Variants in DPP10 observed in about 807,000 individuals in gnomAD.
DPP10 encodes the protein inactive dipeptidyl peptidase 10.
Under a neutral mutation model 120.9 loss-of-function variants are expected in DPP10, and 33 were observed. The ratio of observed to expected loss-of-function variants is 0.27; its 90% CI spans 0.21 to 0.37. The LOEUF is 0.37. Among genes scored for constraint, DPP10 ranks in the 10% least tolerant of loss-of-function variants. The pLI is 1.00. For missense variants in DPP10, 816 were observed against 942.8 expected, an observed-to-expected ratio of 0.87 and a Z score of 1.76; for synonymous variants, 337 against 326.1, an observed-to-expected ratio of 1.03 and a Z score of -0.36.
chr2:115,823,021 A>T (rs536030729), intron 21 of DPP10, among the ~76,000 whole-genome samples: 46 of 152,176 alleles, frequency 3.0e-4, no homozygotes, highest in African/African-American at 9.4e-4. Context: ...ATTTTTAAAA[A>T]TATATTTAGC....
intron 7 of DPP10, among the ~76,000 whole-genome samples, chr2:115,695,741 TTGTC>T (rs2091549998): frequency 6.6e-6 from 1 of 152,028 alleles, no homozygotes; most frequent in South Asian, 2.1e-4. Context: ...TAGATTCAAA[TTGTC>T]TGGTTTTCAA....
At chr2:115,023,374 G>A (rs566295569) in intron 1 of DPP10, among the ~76,000 whole-genome samples, 4 of 152,052 alleles carry the variant, frequency 2.6e-5, no homozygotes, top group East Asian at 1.9e-4. Flanking sequence ...ACAAATGGCC[G>A]ACAAGCATAT....
At chr2:114,486,302 A>G (rs964442093) in intron 1 of DPP10, among the ~76,000 whole-genome samples, 1 of 152,180 alleles carries the variant, frequency 6.6e-6, no homozygotes, top group African/African-American at 2.4e-5. Context: ...CTTGTTGAAA[A>G]AAAAATTACA....
At chr2:114,452,901 C>T (rs917122377) in intron 1 of DPP10, among the ~76,000 whole-genome samples, 2 of 152,118 alleles carry the variant, frequency 1.3e-5, no homozygotes, top group Non-Finnish European at 2.9e-5. Flanking sequence ...GACATGACAA[C>T]TGACAATGTC....
intron 1 of DPP10, among the ~76,000 whole-genome samples, chr2:114,783,604 A>G (rs763845460): frequency 1.5e-4 from 23 of 152,140 alleles, no homozygotes; most frequent in Non-Finnish European, 3.1e-4. Context: ...TGACAGGCCA[A>G]GAAGGGCAGA....
chr2:115,796,576 G>A (rs1684555155), intron 19 of DPP10, among the ~76,000 whole-genome samples: 1 of 152,036 alleles, frequency 6.6e-6, no homozygotes, highest in East Asian at 1.9e-4. Context: ...CTGCAATTTA[G>A]TTTTGTACTC....
intron 1 of DPP10, among the ~76,000 whole-genome samples, chr2:114,450,482 G>A (rs1026529349): frequency 2.0e-5 from 3 of 151,750 alleles, no homozygotes; most frequent in Non-Finnish European, 4.4e-5. Context: ...CCACATAGCA[G>A]GAGCTCAATT....
chr2:114,789,275 T>C (rs1002570483), intron 1 of DPP10, among the ~76,000 whole-genome samples: 5 of 152,262 alleles, frequency 3.3e-5, no homozygotes, highest in South Asian at 2.1e-4. Flanking sequence ...ATATATTTTA[T>C]GCCTGACTAG....
At chr2:114,881,475 C>CA (rs1286619323) in intron 1 of DPP10, among the ~76,000 whole-genome samples, 3 of 113,970 alleles carry the variant, frequency 2.6e-5, no homozygotes, top group African/African-American at 6.5e-5. Context: ...ATCTATCTAT[C>CA]TATCTATCTA....
intron 7 of DPP10, among the ~76,000 whole-genome samples, chr2:115,718,050 C>T (rs771876190): frequency 5.3e-5 from 8 of 151,950 alleles, no homozygotes; most frequent in Admixed American, 1.3e-4. Flanking sequence ...AAAATGGGTG[C>T]GTGGTCATTA....
At chr2:115,698,771 A>G (rs147553413) in intron 7 of DPP10, among the ~76,000 whole-genome samples, 1 of 152,150 alleles carries the variant, frequency 6.6e-6, no homozygotes, top group African/African-American at 2.4e-5. Context: ...TCTGTTATAA[A>G]CTGCACTGTC....
intron 7 of DPP10, among the ~76,000 whole-genome samples, chr2:115,724,281 C>G (rs1158050002): frequency 6.6e-6 from 1 of 152,152 alleles, no homozygotes; most frequent in African/African-American, 2.4e-5. Context: ...TGGCTCTTCA[C>G]CCAGAAATCC....
intron 1 of DPP10, among the ~76,000 whole-genome samples, chr2:114,867,058 A>G (rs993043651): frequency 6.6e-6 from 1 of 152,242 alleles, no homozygotes; most frequent in Admixed American, 6.5e-5. Flanking sequence ...AACAAGGTGC[A>G]GAACATGAAA....
intron 1 of DPP10, among the ~76,000 whole-genome samples, chr2:115,226,258 C>T (rs1191722909): frequency 1.3e-5 from 2 of 151,988 alleles, no homozygotes; most frequent in Admixed American, 6.6e-5. Context: ...TTGATATGTT[C>T]TTTATTAAGA....
At chr2:115,632,974 A>C (rs981124813) in intron 5 of DPP10, among the ~76,000 whole-genome samples, 8 of 152,166 alleles carry the variant, frequency 5.3e-5, no homozygotes, top group African/African-American at 1.2e-4. Flanking sequence ...CACTTTTACA[A>C]TGTTGGTGGG....
rs565369719 is a variant in DPP10, at chr2:115,236,532, T to C, written c.61-72707T>C. On this transcript the variant is annotated intron_variant, in intron 1 of 25. Coordinates refer to ENST00000410059, the MANE Select transcript of DPP10 (RefSeq NM_020868.6). The stretch of plus-strand genomic sequence containing the variant: ...GATTCTTATTAGCTTTCTTTTTCTA[T>C]GGCAAACATTATTAACTGATCACGG... 4.6e-5 allele frequency among the ~76,000 whole-genome samples: 7 copies of C among 152,312 alleles called. No individual in the cohort carries two copies. In the East Asian group the frequency reaches 1.4e-3, roughly 29 times the overall value.
At chr2:115,682,235 T>A (rs1002798605) in intron 5 of DPP10, among the ~76,000 whole-genome samples, 1 of 151,982 alleles carries the variant, frequency 6.6e-6, no homozygotes, top group Non-Finnish European at 1.5e-5. Flanking sequence ...AAACCAGATA[T>A]TTTCAAATGA....
intron 1 of DPP10, among the ~76,000 whole-genome samples, chr2:114,580,877 CT>C (rs1690450610): frequency 6.6e-6 from 1 of 152,116 alleles, no homozygotes; most frequent in Non-Finnish European, 1.5e-5. Flanking sequence ...AGGCTGTCAG[CT>C]CACTGCCATC....
At chr2:114,582,317 C>A (rs1027490527) in intron 1 of DPP10, among the ~76,000 whole-genome samples, 1 of 152,118 alleles carries the variant, frequency 6.6e-6, no homozygotes, top group South Asian at 2.1e-4. Context: ...TGTCTAGGTG[C>A]GCCATAATTT....
Sources: allele counts gnomAD v4.1 joint callset (sites outside exome capture counted in the v4.1 genomes callset), GRCh38; gene constraint gnomAD v4.1.1; transcripts MANE v1.5; gene names NCBI Gene and HGNC (gene_info 2026-07-23, HGNC 2026-07-21).